The following STARD13 variants were observed in gnomAD, a reference collection of about 807,000 sequenced individuals.
STARD13 encodes the protein StAR related lipid transfer domain containing 13, also known as stAR-related lipid transfer protein 13.
STARD13 carries 62 observed loss-of-function variants against 106.4 expected under a neutral mutation model. The observed-to-expected ratio is 0.58, with a 90% CI of 0.48 to 0.72. STARD13 has a LOEUF of 0.72. Among genes scored for constraint, STARD13 ranks in the 30% least tolerant of loss-of-function variants. The pLI, the probability that STARD13 is intolerant of heterozygous loss-of-function variation, is 0.00. For missense variants in STARD13, 1,387 were observed against 1,424.0 expected (o/e 0.97, Z 0.42); for synonymous variants, 565 against 553.0 (o/e 1.02, Z -0.31).
intron 1 of STARD13, among the ~76,000 whole-genome samples, chr13:33,167,847 A>G (rs17078663): frequency 0.062 from 9,403 of 152,180 alleles, 769 homozygotes; most frequent in African/African-American, 0.19. Context: ...ATGTAGATCC[A>G]TAAGTATGTG....
intron 4 of STARD13, among the ~76,000 whole-genome samples, chr13:33,134,181 C>T (rs182799798): frequency 5.9e-4 from 89 of 152,092 alleles, no homozygotes; most frequent in East Asian, 5.2e-3. Context: ...TGCTACACAA[C>T]GGGGTCCAAT....
the STARD13 span, among the ~76,000 whole-genome samples, chr13:33,464,718 G>C: frequency 6.6e-6 from 1 of 152,026 alleles, no homozygotes; most frequent in Non-Finnish European, 1.5e-5. Flanking sequence ...GTGTGGTGGC[G>C]GGCACCTGTA....
the STARD13 span, among the ~76,000 whole-genome samples, chr13:33,390,613 T>A: frequency 6.6e-6 from 1 of 152,136 alleles, no homozygotes; most frequent in Non-Finnish European, 1.5e-5. Context: ...GAAATATAAC[T>A]CAGGACACAC....
chr13:33,496,375 A>G, the STARD13 span, among the ~76,000 whole-genome samples: 30 of 151,582 alleles, frequency 2.0e-4, no homozygotes, highest in Middle Eastern at 3.4e-3. Context: ...TGCAGCTAAC[A>G]CTGCCTCATT....
chr13:33,494,540 C>T, the STARD13 span, among the ~76,000 whole-genome samples: 1 of 152,078 alleles, frequency 6.6e-6, no homozygotes, highest in Non-Finnish European at 1.5e-5. Flanking sequence ...GCTCTACCTC[C>T]CCCACCTTTC....
chr13:33,290,290 C>A (rs1437157756), upstream of STARD13, among the ~76,000 whole-genome samples: 1 of 152,162 alleles, frequency 6.6e-6, no homozygotes, highest in Non-Finnish European at 1.5e-5. Flanking sequence ...CAGAAAAATG[C>A]AGAGCTGATT....
chr13:33,258,746 G>T (rs1376815207), intron 1 of STARD13, among the ~76,000 whole-genome samples: 2 of 152,196 alleles, frequency 1.3e-5, no homozygotes, highest in Non-Finnish European at 2.9e-5. Context: ...ATTCTGCAAT[G>T]CATGCTCAAC....
At chr13:33,571,412 A>G in the STARD13 span, among the ~76,000 whole-genome samples, 1 of 151,480 alleles carries the variant, frequency 6.6e-6, no homozygotes, top group Non-Finnish European at 1.5e-5. Flanking sequence ...GTGTGTAGAT[A>G]GTTAAAAATT....
the STARD13 span, among the ~76,000 whole-genome samples, chr13:33,443,734 A>C: frequency 6.6e-6 from 1 of 151,756 alleles, no homozygotes; most frequent in Admixed American, 6.6e-5. Flanking sequence ...AAATACAAAA[A>C]TTAGCTGGAC....
chr13:33,154,362 G>GC (rs1272694593), intron 3 of STARD13, among the ~76,000 whole-genome samples: 1 of 152,304 alleles, frequency 6.6e-6, no homozygotes, highest in African/African-American at 2.4e-5. Context: ...CAAAAGAACT[G>GC]CCCCTGGACA....
At chr13:33,519,272 C>CTTTTCTTTCTCTT in the STARD13 span, among the ~76,000 whole-genome samples, 1 of 123,254 alleles carries the variant, frequency 8.1e-6, no homozygotes, top group South Asian at 2.7e-4. Flanking sequence ...TTCTTTCTTT[C>CTTTTCTTTCTCTT]TTTTCTTTCT....
chr13:33,543,414 T>C, the STARD13 span, among the ~76,000 whole-genome samples: 95 of 152,362 alleles, frequency 6.2e-4, no homozygotes, highest in African/African-American at 2.1e-3. Context: ...CACGTTTCTT[T>C]TAGATAATCA....
At chr13:33,530,164 G>A in the STARD13 span, among the ~76,000 whole-genome samples, 19,254 of 144,470 alleles carry the variant, frequency 0.13, 1,520 homozygotes, top group Admixed American at 0.18. Context: ...TATTTTTATT[G>A]TGAAATAAAG....
the STARD13 span, among the ~76,000 whole-genome samples, chr13:33,547,672 G>A: frequency 2.6e-5 from 4 of 152,196 alleles, no homozygotes; most frequent in African/African-American, 9.6e-5. Flanking sequence ...TTGGCATTAA[G>A]TTCTTTTGAA....
chr13:33,317,574 A>C (rs958331779), intron 1 of STARD13, among the ~76,000 whole-genome samples: 1 of 152,058 alleles, frequency 6.6e-6, no homozygotes, highest in Admixed American at 6.5e-5. Flanking sequence ...ACCTCCTTTC[A>C]TCTAGATCTC....
the STARD13 span, among the ~76,000 whole-genome samples, chr13:33,399,180 T>C: frequency 6.6e-6 from 1 of 152,170 alleles, no homozygotes; most frequent in Non-Finnish European, 1.5e-5. Context: ...ATCTTGCCAT[T>C]TGTCACAACA....
the STARD13 span, among the ~76,000 whole-genome samples, chr13:33,517,906 C>T: frequency 6.6e-6 from 1 of 151,786 alleles, no homozygotes; most frequent in Non-Finnish European, 1.5e-5. Context: ...ACCGCCTGCC[C>T]TGTCTCTGTG....
chr13:33,564,206 C>CAAAAAAA, the STARD13 span, among the ~76,000 whole-genome samples: 4 of 53,838 alleles, frequency 7.4e-5, no homozygotes, highest in Admixed American at 2.3e-4. Flanking sequence ...GACTGTATCT[C>CAAAAAAA]AAAAAAAAAA....
At chr13:33,635,397 C>A in the STARD13 span, among the ~76,000 whole-genome samples, 1 of 152,206 alleles carries the variant, frequency 6.6e-6, no homozygotes, top group East Asian at 1.9e-4. Flanking sequence ...TGGTGGCTCA[C>A]GCCTGTAATC....
Sources: allele counts gnomAD v4.1 joint callset (sites outside exome capture counted in the v4.1 genomes callset), GRCh38; gene constraint gnomAD v4.1.1; transcripts MANE v1.5; gene names NCBI Gene and HGNC (gene_info 2026-07-23, HGNC 2026-07-21).